Variants in FAT4 observed in about 807,000 individuals in gnomAD.
The protein encoded by FAT4 is protocadherin Fat 4.
A neutral mutation model predicts 303.9 loss-of-function variants in FAT4; 84 were observed. The observed-to-expected ratio is 0.28, with a 90% CI of 0.23 to 0.33. FAT4 has a LOEUF of 0.33. Ranked by LOEUF, FAT4 falls within the 10% of genes least tolerant of loss-of-function variation. The pLI, the probability that FAT4 is intolerant of heterozygous loss-of-function variation, is 1.00. For synonymous variants in FAT4, 2,307 were observed against 2,298.8 expected, an observed-to-expected ratio of 1.00 and a Z score of -0.10; for missense variants, 6,005 against 6,146.8, an observed-to-expected ratio of 0.98 and a Z score of 0.77.
rs1730736994 is a variant in FAT4 at position 125,318,293 on chromosome 4, G to A, written c.1882G>A (p.Asp628Asn). 6.2e-7 allele frequency: 1 copy of A among 1,614,086 alleles called. No homozygotes were observed. The highest frequency in any genetic ancestry group is 1.7e-5 in the Admixed American group (1 of 60,008). The change falls in exon 2 of 18, where the codon GAC becomes AAC. Residue 628 changes from aspartate (D) to asparagine (N), a missense_variant. Asp to Asn is a conservative substitution (Grantham distance 23, BLOSUM62 1). Coordinates refer to ENST00000394329, the MANE Select transcript of FAT4 (RefSeq NM_001291303.3). ...VRFSLQEAET[D>N]RRSFRLDPVS... ...CTTCTCCTTACAAGAGGCAGAGACT[G>A]ACCGGAGGTCCTTCCGTCTGGATCC...
chr4:125,384,631 CA>C (rs1229047537), intron 2 of FAT4, among the ~76,000 whole-genome samples: 2 of 151,890 alleles, frequency 1.3e-5, no homozygotes, highest in African/African-American at 2.4e-5. Context: ...TAATGTCCTT[CA>C]AAGCAAAAAA....
intron 8 of FAT4, among the ~76,000 whole-genome samples, chr4:125,436,680 G>A (rs185775896): frequency 1.2e-4 from 18 of 152,184 alleles, no homozygotes; most frequent in African/African-American, 3.6e-4. Context: ...GCAAAATCAC[G>A]TCTTACATGG....
chr4:125,377,247 A>T (rs1365216197), intron 2 of FAT4, among the ~76,000 whole-genome samples: 1 of 152,140 alleles, frequency 6.6e-6, no homozygotes, highest in East Asian at 1.9e-4. Flanking sequence ...GAGGATTTTC[A>T]ATGAGGAAAA....
chr4:125,368,663 T>A (rs1265329685), intron 2 of FAT4, among the ~76,000 whole-genome samples: 1 of 151,464 alleles, frequency 6.6e-6, no homozygotes, highest in Non-Finnish European at 1.5e-5. Flanking sequence ...AAATACCGCA[T>A]ACACACATGA....
intron 7 of FAT4, among the ~76,000 whole-genome samples, chr4:125,431,387 G>A (rs537146068): frequency 2.0e-4 from 31 of 152,228 alleles, no homozygotes; most frequent in African/African-American, 5.8e-4. Flanking sequence ...TACCACAAGT[G>A]AATCATTGAG....
chr4:125,330,867 A>C (rs1731354344), intron 2 of FAT4, among the ~76,000 whole-genome samples: 2 of 152,078 alleles, frequency 1.3e-5, no homozygotes, highest in African/African-American at 4.8e-5. Context: ...TGAAGACCCT[A>C]GTTGACTGCT....
intron 2 of FAT4, among the ~76,000 whole-genome samples, chr4:125,382,153 G>A (rs1733566262): frequency 6.6e-6 from 1 of 152,128 alleles, no homozygotes; most frequent in African/African-American, 2.4e-5. Context: ...GTTGACGTTG[G>A]TATTTTTACC....
intron 7 of FAT4, among the ~76,000 whole-genome samples, chr4:125,427,112 A>G (rs1725111142): frequency 6.6e-6 from 1 of 151,764 alleles, no homozygotes; most frequent in South Asian, 2.1e-4. Flanking sequence ...GGTTTCTTTA[A>G]TGTCCTCCAA....
At position 125,490,808 on chromosome 4, in the gene FAT4, A is replaced by G; in HGVS notation, c.13992A>G (p.Gln4664=). The change falls in exon 18 of 18, where the codon CAA becomes CAG. Residue 4664 remains glutamine, a synonymous_variant. Transcript: ENST00000394329. The stretch of plus-strand genomic sequence containing the variant: ...ACAGTCCCCTAGGCTTTGCAAGGCA[A>G]TCCCCCATGCCCTTAGGAGCAAGCA... ...QRHSPLGFAR[Q]SPMPLGASSL... 6.2e-7 allele frequency: 1 copy of G among 1,614,150 alleles called. No homozygotes were observed. Among genetic ancestry groups the G allele is most frequent in the Non-Finnish European group, 8.5e-7 (1 of 1,180,034 alleles).
intron 16 of FAT4, among the ~76,000 whole-genome samples, chr4:125,486,200 CTG>C (rs957328716): frequency 1.4e-5 from 2 of 145,334 alleles, no homozygotes; most frequent in Non-Finnish European, 3.0e-5. Flanking sequence ...GCTGTTTTTA[CTG>C]TGTGTCATGA....
At chr4:125,456,759 A>T (rs567513263) in intron 10 of FAT4, among the ~76,000 whole-genome samples, 2 of 152,304 alleles carry the variant, frequency 1.3e-5, no homozygotes, top group South Asian at 4.1e-4. Flanking sequence ...ATACCAAAAC[A>T]TCTTAACATC....
chr4:125,490,180 G>C lies in FAT4; in HGVS notation c.13364G>C (p.Cys4455Ser). ...PGLHSGFTCS[C>S]PDSHTGRTCE... ...CTGCACTCCGGCTTCACCTGTAGCTGCCCAGACTCGCACACGGGAAGGACC... is the reference window on the plus strand; with the variant it reads ...CTGCACTCCGGCTTCACCTGTAGCTCCCCAGACTCGCACACGGGAAGGACC... Residue 4455 changes from cysteine to serine, a missense_variant, in exon 18 of 18, where the codon TGC becomes TCC. Physicochemically the swap from Cys to Ser is moderately radical, Grantham distance 112 (BLOSUM62 -1). Coordinates refer to ENST00000394329, the MANE Select transcript of FAT4 (RefSeq NM_001291303.3). 1 of 1,614,136 alleles carries C rather than the reference G, an allele frequency of 6.2e-7. No homozygotes were observed. Among genetic ancestry groups the C allele is most frequent in the Non-Finnish European group, 8.5e-7 (1 of 1,180,032 alleles).
intron 10 of FAT4, among the ~76,000 whole-genome samples, chr4:125,462,628 C>T (rs1018467280): frequency 1.3e-5 from 2 of 152,068 alleles, no homozygotes; most frequent in African/African-American, 4.8e-5. Context: ...AAGTTTTATA[C>T]ACCACGTGAT....
intron 2 of FAT4, among the ~76,000 whole-genome samples, chr4:125,343,181 G>T (rs1196642622): frequency 6.6e-6 from 1 of 152,068 alleles, no homozygotes; most frequent in East Asian, 1.9e-4. Flanking sequence ...ATTGAGGTAT[G>T]CTATTGAGTT....
At chr4:125,413,581 G>A (rs1453570168) in intron 5 of FAT4, among the ~76,000 whole-genome samples, 2 of 131,178 alleles carry the variant, frequency 1.5e-5, no homozygotes, top group African/African-American at 2.9e-5. Context: ...GGATATTAGA[G>A]ACAGTAAAGT....
At chr4:125,370,925 C>T (rs1366053510) in intron 2 of FAT4, among the ~76,000 whole-genome samples, 2 of 152,100 alleles carry the variant, frequency 1.3e-5, no homozygotes, top group African/African-American at 2.4e-5. Context: ...GCAGGCGGGT[C>T]ACCTGAGGTC....
chr4:125,441,648 C>A (rs1014833250), intron 8 of FAT4, among the ~76,000 whole-genome samples: 3 of 152,142 alleles, frequency 2.0e-5, no homozygotes, highest in African/African-American at 7.2e-5. Context: ...AAGTATGCAT[C>A]AACATGAGCA....
chr4:125,468,897 T>G (rs989721622), intron 12 of FAT4, 78 bp downstream of exon 12: 2 of 1,396,440 alleles, frequency 1.4e-6, no homozygotes, highest in African/African-American at 1.4e-5. Context: ...GCAAATCATG[T>G]TAAATTAGGT....
Position 125,415,377 on chromosome 4 carries a change from A to G in FAT4, c.6414A>G (p.Thr2138=), listed in dbSNP as rs952005284. Residue 2138 remains threonine, a synonymous_variant, in exon 6 of 18, where the codon ACA becomes ACG. Coordinates refer to ENST00000394329, the MANE Select transcript of FAT4 (RefSeq NM_001291303.3). ...GTCAACCATCTCTCTCTTCATCTAC[A>G]GAGGTTGTAGTTATGGTACTTGACA... ...DKGQPSLSSS[T]EVVVMVLDIN... is the part of the protein sequence containing the mutation. The G allele has an allele frequency of 8.1e-6, 13 of 1,613,938 alleles. No homozygotes were observed. The highest frequency in any genetic ancestry group is 2.2e-5 in the East Asian group (1 of 44,860).
Sources: gnomAD v4.1 joint callset for allele counts (sites outside exome capture counted in the v4.1 genomes callset) on GRCh38, gnomAD v4.1.1 for gene constraint, MANE v1.5 for transcripts, NCBI Gene and HGNC (gene_info 2026-07-23, HGNC 2026-07-21) for gene names.